The following RERG variants were observed in gnomAD, a reference collection of about 807,000 sequenced individuals.
RERG encodes the protein ras-related and estrogen-regulated growth inhibitor.
In RERG, 25 loss-of-function variants were observed where a neutral mutation model predicts 23.2. The ratio of observed to expected loss-of-function variants is 1.08; its 90% CI spans 0.79 to 1.50. RERG has a LOEUF of 1.50. RERG is among the 40% of genes most tolerant of loss of function. The pLI is 0.00. For synonymous variants in RERG, 81 were observed against 89.1 expected (o/e 0.91, Z 0.51); for missense variants, 253 against 250.1 (o/e 1.01, Z -0.08).
chr12:15,210,788 G>C (rs2136147300), intron 2 of RERG, among the ~76,000 whole-genome samples: 2 of 152,228 alleles, frequency 1.3e-5, no homozygotes, highest in Admixed American at 1.3e-4. Flanking sequence ...CATCTAGGCT[G>C]TTTGCCTCCT....
chr12:15,214,152 A>T (rs558797612), intron 2 of RERG, among the ~76,000 whole-genome samples: 36 of 152,280 alleles, frequency 2.4e-4, no homozygotes, highest in African/African-American at 8.4e-4. Context: ...CTTACAAATT[A>T]AAAAAGCATA....
At chr12:15,199,303 A>G (rs759919471) in intron 2 of RERG, among the ~76,000 whole-genome samples, 8 of 152,120 alleles carry the variant, frequency 5.3e-5, no homozygotes, top group Non-Finnish European at 1.2e-4. Flanking sequence ...TGGTTTACAC[A>G]TTTTATCAAA....
At chr12:15,212,625 G>A (rs2136148621) in intron 2 of RERG, among the ~76,000 whole-genome samples, 1 of 152,220 alleles carries the variant, frequency 6.6e-6, no homozygotes, top group South Asian at 2.1e-4. Context: ...TTAGTCTGAG[G>A]AAGGGGAAAA....
chr12:15,117,600 G>A (rs933758646), intron 3 of RERG, among the ~76,000 whole-genome samples: 9 of 151,828 alleles, frequency 5.9e-5, no homozygotes, highest in African/African-American at 2.2e-4. Context: ...GTGCCTCCAA[G>A]GTAACAGTCG....
chr12:15,184,312 G>T (rs1864961907), intron 2 of RERG, among the ~76,000 whole-genome samples: 1 of 152,114 alleles, frequency 6.6e-6, no homozygotes, highest in South Asian at 2.1e-4. Context: ...AACGAACCTA[G>T]TTTAAACAAG....
Position 15,109,488 on chromosome 12 carries a change from C to T in RERG, c.222G>A (p.Met74Ile), listed in dbSNP as rs1863563886. The T allele has an allele frequency of 2.5e-6, 4 of 1,610,190 alleles. No individual in the cohort carries two copies. The African/African-American group carries it at 4.0e-5, about 16-fold the overall frequency. ...CCAGCACAAAGCCTTCCCCCCATCG[C>T]ATGTGCCCCTCCCTCTGAATGGTAT... ...QEDTIQREGH[M>I]RWGEGFVLVY... Residue 74 changes from methionine (M) to isoleucine (I), a missense_variant, in exon 5 of 5, where the codon ATG (methionine) becomes ATA (isoleucine). Met to Ile is a conservative substitution (Grantham distance 10, BLOSUM62 1). Transcript: ENST00000256953.
chr12:15,160,539 C>T lies in RERG; in HGVS notation c.62-39420G>A, dbSNP rs543175926. On this transcript the variant is annotated intron_variant, in intron 2 of 4. Transcript: ENST00000256953. The stretch of plus-strand genomic sequence containing the variant: ...GTTAACCTTTCAATCTCAGTTTCTT[C>T]ATGTCTAAAATAGAAATCACAGTAA... 5.3e-5 allele frequency among the ~76,000 whole-genome samples: 8 copies of T among 152,292 alleles called. No homozygotes were observed. In the South Asian group the frequency reaches 1.7e-3, roughly 32 times the overall value.
intron 2 of RERG, among the ~76,000 whole-genome samples, chr12:15,212,085 C>T (rs1238360909): frequency 1.0e-5 from 1 of 99,606 alleles, no homozygotes; most frequent in African/African-American, 3.4e-5. Flanking sequence ...CGGAGTCTCG[C>T]TCTGTCGCCC....
At chr12:15,119,219 A>C (rs7976620) in intron 3 of RERG, among the ~76,000 whole-genome samples, 101,203 of 152,064 alleles carry the variant, frequency 0.67, 33,777 homozygotes, top group Admixed American at 0.74. Flanking sequence ...TCACTCAATA[A>C]AGTTTCATTA....
intron 2 of RERG, among the ~76,000 whole-genome samples, chr12:15,142,085 G>T (rs1045461487): frequency 1.3e-5 from 2 of 152,116 alleles, no homozygotes; most frequent in Non-Finnish European, 2.9e-5. Flanking sequence ...GAATGTGCAA[G>T]AACACATATC....
chr12:15,112,024 C>A (rs1352551926), intron 3 of RERG, among the ~76,000 whole-genome samples: 1 of 152,134 alleles, frequency 6.6e-6, no homozygotes, highest in Non-Finnish European at 1.5e-5. Context: ...AAAGCCAGCT[C>A]CCTGGTGCTC....
At chr12:15,142,962 G>A (rs76489136) in intron 2 of RERG, among the ~76,000 whole-genome samples, 6 of 152,268 alleles carry the variant, frequency 3.9e-5, no homozygotes, top group African/African-American at 1.4e-4. Flanking sequence ...AAAGCAAATC[G>A]CACCACAGGG....
intron 3 of RERG, among the ~76,000 whole-genome samples, chr12:15,111,782 T>C (rs1565504603): frequency 1.3e-5 from 2 of 151,772 alleles, no homozygotes; most frequent in African/African-American, 2.4e-5. Context: ...TTCAAGTGAT[T>C]CTCTTGTCTC....
chr12:15,164,702 C>T (rs566349355), intron 2 of RERG, among the ~76,000 whole-genome samples: 1 of 152,290 alleles, frequency 6.6e-6, no homozygotes, highest in South Asian at 2.1e-4. Context: ...CTTGGATTAC[C>T]CATGGTCCAC....
intron 1 of RERG, 65 bp downstream of exon 1, chr12:15,221,130 G>A (rs1865507023): frequency 6.6e-6 from 1 of 152,248 alleles, no homozygotes; most frequent in Non-Finnish European, 1.5e-5. Context: ...GCGCGCTCAG[G>A]GCTCGGAATG....
intron 2 of RERG, among the ~76,000 whole-genome samples, chr12:15,212,636 A>T (rs1190607535): frequency 1.3e-5 from 2 of 152,170 alleles, no homozygotes; most frequent in African/African-American, 2.4e-5. Context: ...AAGGGGAAAA[A>T]TTGGTATATA....
At chr12:15,164,803 T>C (rs1228000729) in intron 2 of RERG, among the ~76,000 whole-genome samples, 1 of 152,152 alleles carries the variant, frequency 6.6e-6, no homozygotes, top group Non-Finnish European at 1.5e-5. Context: ...TAGTCAAAGG[T>C]GTATGAGAAT....
At chr12:15,183,120 A>G (rs1381951322) in intron 2 of RERG, among the ~76,000 whole-genome samples, 1 of 152,120 alleles carries the variant, frequency 6.6e-6, no homozygotes, top group East Asian at 1.9e-4. Context: ...TATTAATGGG[A>G]GATTTCTATG....
At chr12:15,161,183 AAAGAAAG>A (rs1864604267) in intron 2 of RERG, among the ~76,000 whole-genome samples, 1 of 148,752 alleles carries the variant, frequency 6.7e-6, no homozygotes, top group Non-Finnish European at 1.5e-5. Flanking sequence ...AGAAAGAAAG[AAAGAAAG>A]AAAGAAAGAA....
Sources: gnomAD v4.1 joint callset for allele counts (sites outside exome capture counted in the v4.1 genomes callset) on GRCh38, gnomAD v4.1.1 for gene constraint, MANE v1.5 for transcripts, NCBI Gene and HGNC (gene_info 2026-07-23, HGNC 2026-07-21) for gene names.